Variants in TEX15 observed in about 807,000 individuals in gnomAD.
The protein encoded by TEX15 is testis expressed 15, meiosis and synapsis associated.
TEX15 carries 171 observed loss-of-function variants against 237.3 expected under a neutral mutation model. The observed-to-expected ratio is 0.72, with a 90% CI of 0.64 to 0.82. TEX15 has a LOEUF of 0.82. TEX15 is among the 40% of genes least tolerant of loss of function. The pLI, the probability that TEX15 is intolerant of heterozygous loss-of-function variation, is 0.00. For missense variants in TEX15, 3,750 were observed against 3,646.5 expected, an observed-to-expected ratio of 1.03 and a Z score of -0.73; for synonymous variants, 1,338 against 1,269.8, an observed-to-expected ratio of 1.05 and a Z score of -1.14.
chr8:30,864,646 GAATT>G (rs1433993406), intron 5 of TEX15, among the ~76,000 whole-genome samples: 3 of 128,978 alleles, frequency 2.3e-5, no homozygotes, highest in African/African-American at 8.6e-5. Flanking sequence ...AAGGCTGAAA[GAATT>G]TATTGTTACC....
Position 30,844,413 on chromosome 8 carries a change from C to T in TEX15, c.5754G>A (p.Pro1918=), listed in dbSNP as rs754384901. The T allele has an allele frequency of 1.6e-5, 25 of 1,610,588 alleles. No individual in the cohort carries two copies. Among genetic ancestry groups the T allele is most frequent in the Admixed American group, 3.4e-5 (2 of 59,494 alleles). ...CCCCCTTCTTCTCTCTTTTGTTAAG[C>T]GGATTAGAAACTGTGTTCTTCAAAG... ...SVPLKNTVSN[P]LNKREKKGEI... is the part of the protein sequence containing the mutation. Residue 1918 remains proline (P), a synonymous_variant, in exon 8 of 11, where the codon CCG becomes CCA. Coordinates refer to ENST00000643185, the MANE Select transcript of TEX15 (RefSeq NM_001350162.2).
At chr8:30,901,292 T>C (rs1436827055) in intron 1 of TEX15, among the ~76,000 whole-genome samples, 1 of 152,202 alleles carries the variant, frequency 6.6e-6, no homozygotes, top group Non-Finnish European at 1.5e-5. Context: ...TGGTTGAAAA[T>C]ATTTAACTAA....
At position 30,842,102 on chromosome 8, in the gene TEX15, A is replaced by G. The variant is rs929491393; in HGVS notation, c.8065T>C (p.Ser2689Pro). Residue 2689 changes from serine to proline, a missense_variant, in exon 8 of 11, where the codon TCA (serine) becomes CCA (proline). Physicochemically the swap from Ser to Pro is moderately conservative, Grantham distance 74 (BLOSUM62 -1). Coordinates refer to ENST00000643185, the MANE Select transcript of TEX15 (RefSeq NM_001350162.2). Reference protein sequence around the residue: ...PVSECINKNISNSSKKRPSTV... With the variant: ...PVSECINKNIPNSSKKRPSTV... ...CTCGGTCGTTTTTTAGAGGAATTTG[A>G]GATGTTTTTGTTTATGCACTCTGAT... is the stretch of plus-strand genomic sequence containing the variant. 4 of 1,613,330 alleles carry G rather than the reference A, an allele frequency of 2.5e-6. No individual in the cohort carries two copies. In the African/African-American group the frequency reaches 5.3e-5, roughly 22 times the overall value.
intron 8 of TEX15, among the ~76,000 whole-genome samples, chr8:30,840,814 C>T (rs1357235814): frequency 6.6e-6 from 1 of 152,128 alleles, no homozygotes; most frequent in Admixed American, 6.5e-5. Context: ...GGTCAAACTC[C>T]TTAGGTCTAA....
chr8:30,856,375 G>A (rs1390743030), intron 7 of TEX15, among the ~76,000 whole-genome samples: 1 of 148,298 alleles, frequency 6.7e-6, no homozygotes, highest in African/African-American at 2.5e-5. Context: ...GCAACATGGT[G>A]AAACCCTGTC....
At chr8:30,891,554 A>C (rs767693216) in intron 2 of TEX15, among the ~76,000 whole-genome samples, 53 of 151,182 alleles carry the variant, frequency 3.5e-4, no homozygotes, top group Non-Finnish European at 6.3e-4. Flanking sequence ...ATCTCAGCAC[A>C]CTGCAACCTC....
At chr8:30,866,801 T>C (rs77953483) in intron 5 of TEX15, among the ~76,000 whole-genome samples, 10,656 of 151,966 alleles carry the variant, frequency 0.07, 467 homozygotes, top group African/African-American at 0.092. Flanking sequence ...TTTCTTAACG[T>C]TAACATCTTA....
chr8:30,855,348 A>C (rs1262379600), intron 7 of TEX15, among the ~76,000 whole-genome samples: 1 of 152,222 alleles, frequency 6.6e-6, no homozygotes, highest in Non-Finnish European at 1.5e-5. Flanking sequence ...GCACCAAATA[A>C]TACTTAGAAA....
At chr8:30,907,330 C>G (rs1011235031) in intron 1 of TEX15, among the ~76,000 whole-genome samples, 2 of 151,704 alleles carry the variant, frequency 1.3e-5, no homozygotes, top group African/African-American at 2.4e-5. Flanking sequence ...TCAAAATTTG[C>G]GTACAGTTTT....
chr8:30,887,421 T>C (rs772155533), intron 2 of TEX15, 110 bp from the exon 3 acceptor site: 75 of 1,012,204 alleles, frequency 7.4e-5, no homozygotes, highest in Non-Finnish European at 9.5e-5. Flanking sequence ...AAAATGTTCT[T>C]AGTCAACTGT....
chr8:30,861,456 C>T (rs1474458130), intron 5 of TEX15, among the ~76,000 whole-genome samples: 3 of 152,082 alleles, frequency 2.0e-5, no homozygotes, highest in East Asian at 3.8e-4. Flanking sequence ...TAGATTAGTA[C>T]GTTCATTCAA....
At position 30,872,585 on chromosome 8, in the gene TEX15, T is replaced by C. The variant is rs1272460118; in HGVS notation, c.302+2352A>G. On this transcript the variant is annotated intron_variant, in intron 4 of 10. Transcript: ENST00000643185. ...GAAGTATTCCTGAAGAAGGCATTGT[T>C]ATCATAGAAGATGACAGCTCCATGC... Among the ~76,000 whole-genome samples the C allele has an allele frequency of 2.0e-5, 3 of 152,090 alleles. No individual in the cohort carries two copies. In the South Asian group the frequency reaches 6.2e-4, roughly 32 times the overall value.
intron 4 of TEX15, among the ~76,000 whole-genome samples, chr8:30,869,247 T>C (rs922169893): frequency 7.2e-5 from 11 of 151,956 alleles, no homozygotes; most frequent in African/African-American, 2.7e-4. Context: ...TCTCAAGACT[T>C]CCATTTCAGA....
At chr8:30,840,730 C>T (rs1807432274) in intron 8 of TEX15, among the ~76,000 whole-genome samples, 1 of 152,056 alleles carries the variant, frequency 6.6e-6, no homozygotes. Flanking sequence ...GACTTATATA[C>T]TCAGAATCTA....
chr8:30,862,726 T>C (rs967382443), intron 5 of TEX15, among the ~76,000 whole-genome samples: 4 of 152,214 alleles, frequency 2.6e-5, no homozygotes, highest in East Asian at 1.9e-4. Flanking sequence ...GTGATTTTAA[T>C]AGTCCTGGCA....
chr8:30,845,922 T>C lies in TEX15; in HGVS notation c.4245A>G (p.Ser1415=). The change falls in exon 8 of 11, where the codon TCA becomes TCG. Residue 1415 remains serine (S), a synonymous_variant. Transcript: ENST00000643185. ...GEERKGPLPK[S]YAIICNNFWE... ...AGAAATTATTGCATATTATTGCATA[T>C]GATTTTGGTAATGGGCCCTTTCTTT... 1.2e-6 allele frequency: 2 copies of C among 1,613,408 alleles called. No homozygotes were observed. Among genetic ancestry groups the C allele is most frequent in the Non-Finnish European group, 1.7e-6 (2 of 1,179,614 alleles).
At chr8:30,891,556 T>C (rs1337212477) in intron 2 of TEX15, among the ~76,000 whole-genome samples, 1 of 151,370 alleles carries the variant, frequency 6.6e-6, no homozygotes, top group Non-Finnish European at 1.5e-5. Flanking sequence ...CTCAGCACAC[T>C]GCAACCTCTG....
intron 3 of TEX15, among the ~76,000 whole-genome samples, chr8:30,879,436 A>T (rs1466518395): frequency 6.6e-6 from 1 of 152,192 alleles, no homozygotes; most frequent in Non-Finnish European, 1.5e-5. Context: ...CCCAAGGTTC[A>T]TTCGGAATTA....
chr8:30,903,086 T>C (rs1809036490), intron 1 of TEX15, among the ~76,000 whole-genome samples: 1 of 152,214 alleles, frequency 6.6e-6, no homozygotes, highest in Admixed American at 6.5e-5. Flanking sequence ...TTTCCCAAAC[T>C]AGAAGCCAAA....
Sources: allele counts gnomAD v4.1 joint callset (sites outside exome capture counted in the v4.1 genomes callset), GRCh38; gene constraint gnomAD v4.1.1; transcripts MANE v1.5; gene names NCBI Gene and HGNC (gene_info 2026-07-23, HGNC 2026-07-21).